Variants in SAMD4A observed in about 807,000 individuals in gnomAD.
SAMD4A encodes the protein protein Smaug homolog 1.
Under a neutral mutation model 81.3 loss-of-function variants are expected in SAMD4A, and 33 were observed. That is an observed-to-expected ratio of 0.41 (90% CI 0.31 to 0.54). SAMD4A has a LOEUF of 0.54. Among genes scored for constraint, SAMD4A ranks in the 20% least tolerant of loss-of-function variants. The pLI is 0.37. For synonymous variants in SAMD4A, 389 were observed against 382.1 expected (o/e 1.02, Z -0.21); for missense variants, 854 against 951.1 (o/e 0.90, Z 1.34).
intron 2 of SAMD4A, among the ~76,000 whole-genome samples, chr14:54,654,624 G>A (rs374768131): frequency 6.6e-6 from 1 of 152,336 alleles, no homozygotes; most frequent in East Asian, 1.9e-4. Flanking sequence ...TGAAAGAACA[G>A]GCACTTCAGA....
intron 2 of SAMD4A, among the ~76,000 whole-genome samples, chr14:54,656,351 T>C (rs777251955): frequency 2.6e-5 from 4 of 152,220 alleles, no homozygotes; most frequent in Non-Finnish European, 4.4e-5. Context: ...AAGGCTTCTC[T>C]CTCCATGTCA....
chr14:54,748,727 T>C, intron 4 of SAMD4A, 88 bp from the exon 5 acceptor site: 1 of 891,172 alleles, frequency 1.1e-6, no homozygotes. Context: ...CATCACCCTC[T>C]TTTCCTTTCT....
chr14:54,567,692 T>G lies in SAMD4A; in HGVS notation c.-225T>G, dbSNP rs2032980639. ...TTAAAGAAACATTTCCGTGCTACTG[T>G]CTGTCATCGTCTCTGGGGAAATCAG... On this transcript the variant is annotated 5_prime_UTR_variant, in exon 2 of 13. Transcript: ENST00000554335. The G allele has an allele frequency of 3.8e-6, 2 of 523,906 alleles. No homozygotes were observed. Among genetic ancestry groups the G allele is most frequent in the South Asian group, 2.6e-5 (1 of 37,976 alleles). The allele number at this position is 523,906 out of a possible 1,614,324, so 32.5% of individuals were successfully genotyped here. A position where few individuals can be genotyped will look rare whatever the true frequency, so the allele number is the denominator to read the frequency against.
intron 2 of SAMD4A, among the ~76,000 whole-genome samples, chr14:54,649,660 A>C (rs1483765783): frequency 1.3e-5 from 2 of 152,204 alleles, no homozygotes; most frequent in East Asian, 3.8e-4. Flanking sequence ...ATTTAATAAA[A>C]ATTGCATGCC....
chr14:54,718,474 T>C (rs1158564692), intron 3 of SAMD4A, among the ~76,000 whole-genome samples: 3 of 152,208 alleles, frequency 2.0e-5, no homozygotes, highest in South Asian at 2.1e-4. Flanking sequence ...ACTCTCAAAA[T>C]AGTGTGACTC....
intron 2 of SAMD4A, among the ~76,000 whole-genome samples, chr14:54,665,177 GA>G (rs1321028210): frequency 6.6e-6 from 1 of 152,170 alleles, no homozygotes; most frequent in Non-Finnish European, 1.5e-5. Flanking sequence ...ATTTTACAGT[GA>G]GGTGATTGTT....
chr14:54,617,881 T>C (rs2034526934), intron 2 of SAMD4A, among the ~76,000 whole-genome samples: 1 of 152,248 alleles, frequency 6.6e-6, no homozygotes, highest in African/African-American at 2.4e-5. Context: ...CACAACTTTA[T>C]TGATAACTAC....
chr14:54,765,772 A>C (rs2038522138), intron 8 of SAMD4A, among the ~76,000 whole-genome samples: 1 of 151,994 alleles, frequency 6.6e-6, no homozygotes. Flanking sequence ...TCATGTTCTC[A>C]CCCTTCCAGC....
At chr14:54,690,881 G>C (rs535201965) in intron 2 of SAMD4A, among the ~76,000 whole-genome samples, 189 of 152,338 alleles carry the variant, frequency 1.2e-3, no homozygotes, top group Non-Finnish European at 2.1e-3. Flanking sequence ...CCCTGGGGTA[G>C]AGTTGAGGGA....
intron 11 of SAMD4A, among the ~76,000 whole-genome samples, chr14:54,782,117 G>A (rs966294906): frequency 2.6e-5 from 4 of 152,146 alleles, no homozygotes; most frequent in Admixed American, 6.5e-5. Context: ...AGAGCCCTGC[G>A]TTTCTCAGCC....
intron 2 of SAMD4A, chr14:54,681,776 C>G: frequency 1.0e-6 from 1 of 984,764 alleles, no homozygotes; most frequent in Non-Finnish European, 1.2e-6. Flanking sequence ...GATGGAGCCC[C>G]AAATGAAAAA....
chr14:54,650,620 C>T (rs1302264875), intron 2 of SAMD4A, among the ~76,000 whole-genome samples: 2 of 152,192 alleles, frequency 1.3e-5, no homozygotes, highest in Admixed American at 1.3e-4. Context: ...TGGTTCTTCC[C>T]TGCTGAGAAG....
At chr14:54,605,990 TA>T (rs1006683960) in intron 2 of SAMD4A, among the ~76,000 whole-genome samples, 3 of 152,280 alleles carry the variant, frequency 2.0e-5, no homozygotes, top group East Asian at 1.9e-4. Flanking sequence ...TAACTTAGAA[TA>T]AAACAATAAT....
intron 2 of SAMD4A, 135 bp downstream of exon 2, chr14:54,568,247 C>T (rs1594672057): frequency 1.3e-6 from 1 of 770,450 alleles, no homozygotes; most frequent in African/African-American, 1.9e-5. Context: ...CCCCGAGGCC[C>T]TCGGAATCCA....
intron 2 of SAMD4A, among the ~76,000 whole-genome samples, chr14:54,637,965 A>G (rs554144357): frequency 1.3e-5 from 2 of 152,342 alleles, no homozygotes; most frequent in African/African-American, 2.4e-5. Context: ...TTGCTCTTGT[A>G]TATCAGGAAG....
intron 6 of SAMD4A, among the ~76,000 whole-genome samples, chr14:54,758,336 G>T (rs1183589169): frequency 2.6e-5 from 4 of 152,176 alleles, no homozygotes; most frequent in African/African-American, 7.2e-5. Flanking sequence ...GTTGAAACAG[G>T]CACGTCCAAG....
chr14:54,672,135 G>GTTGCCTTGTT lies in SAMD4A; in HGVS notation c.197-29927_197-29926insTTGCCTTGTT, dbSNP rs2035898388. ...AGATGGGGTCTTGCCTTGTTGCCCA[G>GTTGCCTTGTT]GCTGGACTGGAACCCCTGGGTTCAA... On this transcript the variant is annotated intron_variant, in intron 2 of 12. Transcript: ENST00000554335. Among the ~76,000 whole-genome samples the GTTGCCTTGTT allele has an allele frequency of 2.7e-5, 4 of 150,720 alleles. No individual in the cohort carries two copies. In the South Asian group the frequency reaches 8.3e-4, roughly 31 times the overall value.
intron 8 of SAMD4A, among the ~76,000 whole-genome samples, chr14:54,767,883 C>G (rs1013182912): frequency 5.3e-5 from 8 of 152,230 alleles, no homozygotes; most frequent in African/African-American, 9.6e-5. Flanking sequence ...CCCCCACTCT[C>G]ACTCAGCACT....
At chr14:54,698,449 C>G (rs1400055968) in intron 2 of SAMD4A, among the ~76,000 whole-genome samples, 1 of 152,198 alleles carries the variant, frequency 6.6e-6, no homozygotes, top group African/African-American at 2.4e-5. Flanking sequence ...TAGCAGGGGG[C>G]TGGGGGCAAG....
Sources: allele counts gnomAD v4.1 joint callset (sites outside exome capture counted in the v4.1 genomes callset), GRCh38; gene constraint gnomAD v4.1.1; transcripts MANE v1.5; gene names NCBI Gene and HGNC (gene_info 2026-07-23, HGNC 2026-07-21).